Variants in LRIG2 observed in about 807,000 individuals in gnomAD.
LRIG2 encodes the protein leucine-rich repeats and immunoglobulin-like domains protein 2.
In LRIG2, 93 loss-of-function variants were observed where a neutral mutation model predicts 107.8. That is an observed-to-expected ratio of 0.86 (90% CI 0.73 to 1.03). The LOEUF (loss-of-function observed/expected upper bound fraction) is 1.03, where lower values mean the gene tolerates loss of function less well. LRIG2 is among the 50% of genes least tolerant of loss of function. The pLI is 0.00. For synonymous variants in LRIG2, 471 were observed against 470.6 expected (o/e 1.00, Z -0.01); for missense variants, 1,226 against 1,296.0 (o/e 0.95, Z 0.83).
At chr1:113,079,609 G>C (rs1653160743) in intron 1 of LRIG2, among the ~76,000 whole-genome samples, 1 of 150,870 alleles carries the variant, frequency 6.6e-6, no homozygotes, top group Non-Finnish European at 1.5e-5. Flanking sequence ...CTTGAGCCCG[G>C]GAGGCAGAGG....
Position 113,124,147 on chromosome 1 carries a change from T to C in LRIG2, c.*46T>C. 1 of 1,526,828 alleles carries C rather than the reference T, an allele frequency of 6.5e-7. No individual in the cohort carries two copies. The highest frequency in any genetic ancestry group is 9.1e-7 in the Non-Finnish European group (1 of 1,103,770). The allele number at this position is 1,526,828 out of a possible 1,614,324, so 94.6% of individuals were successfully genotyped here. On this transcript the variant is annotated 3_prime_UTR_variant, in exon 18 of 18. Coordinates refer to ENST00000361127, the MANE Select transcript of LRIG2 (RefSeq NM_014813.3). ...CTGGGCAGAGACTTATTAATTAATT[T>C]TGCATTTACTACCTCAGAGCTCAGA...
intron 1 of LRIG2, among the ~76,000 whole-genome samples, chr1:113,090,088 G>A (rs972164047): frequency 2.6e-5 from 4 of 151,788 alleles, no homozygotes; most frequent in African/African-American, 7.3e-5. Flanking sequence ...TGTGAAATAT[G>A]TCTTCAGATG....
intron 9 of LRIG2, among the ~76,000 whole-genome samples, chr1:113,099,357 C>T (rs1654211883): frequency 6.6e-6 from 1 of 151,626 alleles, no homozygotes; most frequent in African/African-American, 2.4e-5. Flanking sequence ...CCACCTTGGC[C>T]TCCTAAGGAG....
intron 4 of LRIG2, among the ~76,000 whole-genome samples, chr1:113,094,113 G>A (rs1653944699): frequency 6.6e-6 from 1 of 152,178 alleles, no homozygotes. Flanking sequence ...GTGTTTTCCA[G>A]TTTACAAAGC....
At chr1:113,084,140 T>C (rs915742393) in intron 1 of LRIG2, among the ~76,000 whole-genome samples, 14 of 150,836 alleles carry the variant, frequency 9.3e-5, no homozygotes, top group African/African-American at 2.7e-4. Flanking sequence ...GCAGCCGTGA[T>C]GGAGAACCAC....
rs1225466928 is a variant in LRIG2 at position 113,112,678 on chromosome 1, A to G, written c.1998A>G (p.Lys666=). Residue 666 remains lysine (K), a synonymous_variant, in exon 14 of 18, where the codon AAA becomes AAG. Coordinates refer to ENST00000361127, the MANE Select transcript of LRIG2 (RefSeq NM_014813.3). ...ACGTCTTCTTTATTGCCAATGTGAA[A>G]ATAGAAGATATGGGAATCTATAGCT... ...EDDVFFIANV[K]IEDMGIYSCM... is the part of the protein sequence containing the mutation. 1 of 1,614,112 alleles carries G rather than the reference A, an allele frequency of 6.2e-7. No individual in the cohort carries two copies. The highest frequency in any genetic ancestry group is 1.1e-5 in the South Asian group (1 of 91,084).
chr1:113,110,336 C>T lies in LRIG2; in HGVS notation c.1572C>T (p.Ser524=). 6.2e-7 allele frequency: 1 copy of T among 1,614,092 alleles called. No homozygotes were observed. The highest frequency in any genetic ancestry group is 8.5e-7 in the Non-Finnish European group (1 of 1,179,968). ...CTCTGACGTGCACTGCAGTGAGCAGCAGTGATTCACCCATGTCCACTGTGT... is the reference window on the plus strand; with the variant it reads ...CTCTGACGTGCACTGCAGTGAGCAGTAGTGATTCACCCATGTCCACTGTGT... ...NVTLTCTAVS[S]SDSPMSTVWR... Residue 524 remains serine (S), a synonymous_variant, in exon 13 of 18, where the codon AGC becomes AGT. Transcript: ENST00000361127.
chr1:113,085,434 G>A (rs1019361305), intron 1 of LRIG2, among the ~76,000 whole-genome samples: 6 of 152,142 alleles, frequency 3.9e-5, no homozygotes, highest in South Asian at 4.1e-4. Context: ...ACAGGCATGC[G>A]CCACCATGCC....
At position 113,119,438 on chromosome 1, in the gene LRIG2, G is replaced by A. The variant is rs376943960; in HGVS notation, c.2886G>A (p.Pro962=). 8.4e-5 allele frequency: 135 copies of A among 1,613,964 alleles called. No homozygotes were observed. Among genetic ancestry groups the A allele is most frequent in the Middle Eastern group, 1.6e-4 (1 of 6,084 alleles). ...QDTTALESLI[P]SANREPSAFP... is the part of the protein sequence containing the mutation. ...CTACTGCCCTAGAGAGCCTGATACCGTCAGCCAACAGAGAGCCATCTGCCT... is the reference window on the plus strand; with the variant it reads ...CTACTGCCCTAGAGAGCCTGATACCATCAGCCAACAGAGAGCCATCTGCCT... The change falls in exon 17 of 18, where the codon CCG becomes CCA. Residue 962 remains proline, a synonymous_variant. Coordinates refer to ENST00000361127, the MANE Select transcript of LRIG2 (RefSeq NM_014813.3).
rs1012066797 is a variant in LRIG2, at chr1:113,129,887, C to T, written c.*5786C>T. ...TTATGCCATTGGCTTTCTGTCACTCCGCAACTTGTACTTTTTTTTTTGAGA... is the reference window on the plus strand; with the variant it reads ...TTATGCCATTGGCTTTCTGTCACTCTGCAACTTGTACTTTTTTTTTTGAGA... On this transcript the variant is annotated 3_prime_UTR_variant, in exon 18 of 18. Coordinates refer to ENST00000361127, the MANE Select transcript of LRIG2 (RefSeq NM_014813.3). The T allele has an allele frequency of 4.6e-5, 7 of 152,128 alleles. No individual in the cohort carries two copies. The highest frequency in any genetic ancestry group is 2.1e-4 in the South Asian group (1 of 4,834). The allele number at this position is 152,128 out of a possible 1,614,324, so 9.4% of individuals were successfully genotyped here.
chr1:113,128,869 G>GTT lies in LRIG2; in HGVS notation c.*4769_*4770dup, dbSNP rs1486591054. 2 of 152,100 alleles carry GTT rather than the reference G, an allele frequency of 1.3e-5. No individual in the cohort carries two copies. Among genetic ancestry groups the GTT allele is most frequent in the Non-Finnish European group, 2.9e-5 (2 of 68,024 alleles). 9.4% of individuals were successfully genotyped at this position (152,100 alleles called of 1,614,324 possible). ...GACTCACCTTTCTAATGTATTCGAA[G>GTT]TTATCCCTATAATTATATTACTCTC... On this transcript the variant is annotated 3_prime_UTR_variant, in exon 18 of 18. Coordinates refer to ENST00000361127, the MANE Select transcript of LRIG2 (RefSeq NM_014813.3).
intron 1 of LRIG2, among the ~76,000 whole-genome samples, chr1:113,075,145 G>C (rs1395346621): frequency 6.6e-6 from 1 of 152,054 alleles, no homozygotes; most frequent in Non-Finnish European, 1.5e-5. Context: ...CCGGGAGGGC[G>C]AGGTTGGAGT....
chr1:113,109,520 T>C (rs777900045), intron 12 of LRIG2, among the ~76,000 whole-genome samples: 9 of 152,302 alleles, frequency 5.9e-5, no homozygotes, highest in Middle Eastern at 3.4e-3. Flanking sequence ...TGGTTATATA[T>C]ATACATATAT....
chr1:113,099,665 G>A (rs1444813205), intron 9 of LRIG2, among the ~76,000 whole-genome samples: 1 of 152,180 alleles, frequency 6.6e-6, no homozygotes, highest in African/African-American at 2.4e-5. Flanking sequence ...TAAAAGGAAT[G>A]CATTGAGAAA....
intron 13 of LRIG2, among the ~76,000 whole-genome samples, chr1:113,110,876 T>C (rs1248848137): frequency 2.0e-5 from 3 of 152,200 alleles, no homozygotes; most frequent in Admixed American, 2.0e-4. Context: ...CATAAATCTC[T>C]CTTGATAACT....
intron 1 of LRIG2, among the ~76,000 whole-genome samples, chr1:113,079,066 C>T (rs760117754): frequency 5.3e-5 from 8 of 152,026 alleles, no homozygotes; most frequent in Non-Finnish European, 8.8e-5. Flanking sequence ...GCCCTGTGAC[C>T]TGGTGCGGTG....
chr1:113,078,084 C>T (rs552112993), intron 1 of LRIG2, among the ~76,000 whole-genome samples: 1 of 152,030 alleles, frequency 6.6e-6, no homozygotes, highest in African/African-American at 2.4e-5. Context: ...TTTATGGCTG[C>T]ATAGTATTCC....
chr1:113,097,304 A>G (rs1654108651), intron 8 of LRIG2, among the ~76,000 whole-genome samples: 1 of 152,154 alleles, frequency 6.6e-6, no homozygotes, highest in Non-Finnish European at 1.5e-5. Context: ...TAGAATTTGT[A>G]GATTCTTAAG....
chr1:113,110,487 G>A lies in LRIG2; in HGVS notation c.1723G>A (p.Glu575Lys), dbSNP rs1185471048. 2 of 1,613,482 alleles carry A rather than the reference G, an allele frequency of 1.2e-6. No homozygotes were observed. Among genetic ancestry groups the A allele is most frequent in the Non-Finnish European group, 1.7e-6 (2 of 1,179,468 alleles). The change falls in exon 13 of 18, where the codon GAA becomes AAA. Residue 575 changes from glutamate to lysine, a missense_variant. By Grantham distance (56) the Glu-to-Lys change is moderately conservative. Transcript: ENST00000361127. The part of the protein sequence containing the change: ...LHLFNVNFTD[E>K]GKYQCIVTNH... ...TCTTTTCAATGTGAATTTCACAGAT[G>A]AAGGAAAATATCAGTGTATTGTTAC...
Sources: gnomAD v4.1 joint callset for allele counts (sites outside exome capture counted in the v4.1 genomes callset) on GRCh38, gnomAD v4.1.1 for gene constraint, MANE v1.5 for transcripts, NCBI Gene and HGNC (gene_info 2026-07-23, HGNC 2026-07-21) for gene names.